The following MTMR2 variants were observed in gnomAD, a reference collection of about 807,000 sequenced individuals.
The protein encoded by MTMR2 is phosphatidylinositol-3,5-bisphosphate 3-phosphatase MTMR2.
Under a neutral mutation model 86.9 loss-of-function variants are expected in MTMR2, and 55 were observed. The observed-to-expected ratio is 0.63, with a 90% confidence interval of 0.51 to 0.79. MTMR2 has a LOEUF of 0.79. MTMR2 is among the 30% of genes least tolerant of loss of function. MTMR2 has a pLI of 0.00. For synonymous variants in MTMR2, 241 were observed against 266.8 expected, an observed-to-expected ratio of 0.90 and a Z score of 0.94; for missense variants, 659 against 772.3, an observed-to-expected ratio of 0.85 and a Z score of 1.74.
intron 7 of MTMR2, among the ~76,000 whole-genome samples, chr11:95,853,792 G>GC (rs1351061346): frequency 3.3e-5 from 5 of 152,182 alleles, no homozygotes; most frequent in Non-Finnish European, 7.3e-5. Context: ...TTTGATAAAT[G>GC]CATGAATGAA....
intron 7 of MTMR2, among the ~76,000 whole-genome samples, chr11:95,855,259 ATTTAC>A (rs1864168086): frequency 6.6e-6 from 1 of 151,904 alleles, no homozygotes; most frequent in Admixed American, 6.5e-5. Flanking sequence ...ATTTTTATTT[ATTTAC>A]TTATTTTTTG....
rs1263941266 is a variant in MTMR2 at position 95,844,990 on chromosome 11, T to A, written c.1349A>T (p.Glu450Val). Residue 450 changes from glutamate (E) to valine (V), a missense_variant, in exon 11 of 15, where the codon GAG becomes GTG. Transcript: ENST00000346299. ...RTIRGFEVLVEKEWLSFGHRF... is the reference protein window; with the variant it reads ...RTIRGFEVLVVKEWLSFGHRF... Reference sequence around the variant, plus strand: ...ATGTCCAAAACTTAGCCATTCTTTCTCCACAAGGACTTCAAATCCTCGGAT... The same window carrying A: ...ATGTCCAAAACTTAGCCATTCTTTCACCACAAGGACTTCAAATCCTCGGAT... The A allele has an allele frequency of 4.3e-6, 7 of 1,613,798 alleles. No individual in the cohort carries two copies. The highest frequency in any genetic ancestry group is 5.9e-6 in the Non-Finnish European group (7 of 1,179,840).
Position 95,835,244 on chromosome 11 carries a change from T to TGTAATCAAGAGTGTATA in MTMR2, c.*29_*45dup. 6.3e-7 allele frequency: 1 copy of TGTAATCAAGAGTGTATA among 1,593,860 alleles called. No individual in the cohort carries two copies. Among genetic ancestry groups the TGTAATCAAGAGTGTATA allele is most frequent in the Non-Finnish European group, 8.6e-7 (1 of 1,162,648 alleles). The stretch of plus-strand genomic sequence containing the variant: ...GACTTTCTACTCATAGAGCTGCCAG[T>TGTAATCAAGAGTGTATA]GTAATCAAGAGTGTATAGCAATGAT... On this transcript the variant is annotated 3_prime_UTR_variant, in exon 15 of 15. Transcript: ENST00000346299.
At chr11:95,844,824 GC>G in intron 11 of MTMR2, 128 bp downstream of exon 11, 1 of 860,124 alleles carries the variant, frequency 1.2e-6, no homozygotes, top group Admixed American at 2.0e-5. Context: ...TCCAAAACAA[GC>G]AAAAACGTTT....
chr11:95,879,212 C>T (rs771022669), intron 2 of MTMR2, among the ~76,000 whole-genome samples: 9 of 151,798 alleles, frequency 5.9e-5, no homozygotes, highest in African/African-American at 1.2e-4. Context: ...GCTGAAACCA[C>T]GAAGAAGAAA....
intron 1 of MTMR2, among the ~76,000 whole-genome samples, chr11:95,919,115 G>C (rs1044775165): frequency 6.6e-6 from 1 of 152,148 alleles, no homozygotes; most frequent in Non-Finnish European, 1.5e-5. Context: ...TAGGATTACA[G>C]GCGTTAGCTA....
chr11:95,896,859 A>C (rs1021938530), intron 1 of MTMR2, among the ~76,000 whole-genome samples: 11 of 151,858 alleles, frequency 7.2e-5, no homozygotes, highest in African/African-American at 2.4e-4. Context: ...ATACTGAGAC[A>C]AACATTTCTT....
intron 1 of MTMR2, among the ~76,000 whole-genome samples, chr11:95,893,148 A>T (rs570191546): frequency 6.6e-6 from 1 of 151,948 alleles, no homozygotes; most frequent in South Asian, 2.1e-4. Flanking sequence ...ATTTCTTTCT[A>T]CTCCAAAGCT....
intron 2 of MTMR2, among the ~76,000 whole-genome samples, chr11:95,885,259 AT>A (rs1209031494): frequency 6.6e-6 from 1 of 152,238 alleles, no homozygotes; most frequent in African/African-American, 2.4e-5. Flanking sequence ...CAGATTGTAC[AT>A]TTGCAAAATG....
intron 1 of MTMR2, among the ~76,000 whole-genome samples, chr11:95,901,043 C>T (rs1866056751): frequency 6.6e-6 from 1 of 152,132 alleles, no homozygotes; most frequent in African/African-American, 2.4e-5. Context: ...TGCTTTGACT[C>T]TCTCCTTTTC....
intron 1 of MTMR2, among the ~76,000 whole-genome samples, chr11:95,922,614 T>C (rs967351312): frequency 6.6e-5 from 10 of 151,220 alleles, no homozygotes; most frequent in African/African-American, 2.4e-4. Flanking sequence ...CTATGTTAAG[T>C]GCTGGAGATA....
chr11:95,885,562 G>A (rs1000309032), intron 2 of MTMR2, among the ~76,000 whole-genome samples: 17 of 152,010 alleles, frequency 1.1e-4, no homozygotes, highest in Non-Finnish European at 1.6e-4. Flanking sequence ...CAATAAAGTC[G>A]TTCTGGATTG....
intron 2 of MTMR2, among the ~76,000 whole-genome samples, chr11:95,878,150 G>C (rs927024744): frequency 5.4e-5 from 8 of 148,912 alleles, no homozygotes; most frequent in African/African-American, 1.7e-4. Context: ...AAGACTTGAG[G>C]AATCTTAAAA....
At chr11:95,847,659 T>G in intron 10 of MTMR2, 55 bp downstream of exon 10, 1 of 1,477,824 alleles carries the variant, frequency 6.8e-7, no homozygotes, top group Non-Finnish European at 9.4e-7. Flanking sequence ...AAAAAGCTAA[T>G]ATAAACAAAG....
intron 11 of MTMR2, among the ~76,000 whole-genome samples, chr11:95,843,081 T>A (rs1459297879): frequency 6.9e-6 from 1 of 144,922 alleles, no homozygotes; most frequent in Non-Finnish European, 1.5e-5. Context: ...ACTTAAAGAC[T>A]TTTTTTTTTT....
intron 9 of MTMR2, 141 bp from the exon 10 acceptor site, chr11:95,848,040 G>A: frequency 1.2e-6 from 1 of 805,614 alleles, no homozygotes. Flanking sequence ...GATGGCTCAG[G>A]ACAACTTATT....
chr11:95,841,308 C>T (rs1196563803), intron 12 of MTMR2, among the ~76,000 whole-genome samples: 2 of 151,734 alleles, frequency 1.3e-5, no homozygotes, highest in Non-Finnish European at 2.9e-5. Flanking sequence ...CTTATTTTTT[C>T]TCCACTCTTA....
intron 2 of MTMR2, among the ~76,000 whole-genome samples, chr11:95,883,334 G>C (rs1664347996): frequency 6.6e-6 from 1 of 152,062 alleles, no homozygotes; most frequent in Non-Finnish European, 1.5e-5. Flanking sequence ...ATTCTACTAA[G>C]TTGCCAACTT....
At chr11:95,894,012 T>A (rs190882129) in intron 1 of MTMR2, among the ~76,000 whole-genome samples, 7 of 152,220 alleles carry the variant, frequency 4.6e-5, no homozygotes, top group Admixed American at 2.0e-4. Context: ...AGCATAACAC[T>A]CAGTTTTCCA....
Sources: gnomAD v4.1 joint callset for allele counts (sites outside exome capture counted in the v4.1 genomes callset) on GRCh38, gnomAD v4.1.1 for gene constraint, MANE v1.5 for transcripts, NCBI Gene and HGNC (gene_info 2026-07-23, HGNC 2026-07-21) for gene names.